Variants in FCHSD2 observed in about 807,000 individuals in gnomAD.
FCHSD2 encodes the protein F-BAR and double SH3 domains protein 2.
Under a neutral mutation model 108.1 loss-of-function variants are expected in FCHSD2, and 38 were observed. The observed-to-expected ratio is 0.35, with a 90% CI of 0.27 to 0.46. FCHSD2 has a LOEUF of 0.46. Ranked by LOEUF, FCHSD2 falls within the 20% of genes least tolerant of loss-of-function variation. The pLI is 1.00. For missense variants in FCHSD2, 751 were observed against 897.8 expected, an observed-to-expected ratio of 0.84 and a Z score of 2.09; for synonymous variants, 279 against 314.7, an observed-to-expected ratio of 0.89 and a Z score of 1.20.
chr11:72,855,604 C>T (rs977034423), intron 13 of FCHSD2, among the ~76,000 whole-genome samples: 4 of 152,108 alleles, frequency 2.6e-5, no homozygotes, highest in African/African-American at 9.7e-5. Context: ...CACGAACAAA[C>T]GTGAAAAGCA....
chr11:73,028,010 G>A (rs1858268733), intron 3 of FCHSD2, among the ~76,000 whole-genome samples: 1 of 152,270 alleles, frequency 6.6e-6, no homozygotes, highest in Non-Finnish European at 1.5e-5. Context: ...CCAGGCAGAA[G>A]TCTGCTGCAG....
At chr11:72,934,569 G>A (rs1856262926) in intron 8 of FCHSD2, among the ~76,000 whole-genome samples, 1 of 152,074 alleles carries the variant, frequency 6.6e-6, no homozygotes, top group Admixed American at 6.6e-5. Flanking sequence ...CCTGACCTCA[G>A]GTAATCCACT....
chr11:73,120,282 T>G (rs193297324), intron 2 of FCHSD2, among the ~76,000 whole-genome samples: 7 of 152,386 alleles, frequency 4.6e-5, no homozygotes, highest in African/African-American at 1.7e-4. Context: ...TTACATATTA[T>G]AATGTAGCAT....
At chr11:73,109,440 T>A (rs544523212) in intron 2 of FCHSD2, among the ~76,000 whole-genome samples, 27 of 150,886 alleles carry the variant, frequency 1.8e-4, no homozygotes, top group African/African-American at 5.6e-4. Context: ...ATCTTTCACT[T>A]CATCAGTTAA....
intron 14 of FCHSD2, among the ~76,000 whole-genome samples, chr11:72,846,818 T>A (rs1370101684): frequency 6.6e-6 from 1 of 152,158 alleles, no homozygotes; most frequent in Non-Finnish European, 1.5e-5. Flanking sequence ...ATTGAGCTCT[T>A]ACGGTACATA....
intron 5 of FCHSD2, among the ~76,000 whole-genome samples, chr11:72,991,137 A>C (rs1190358437): frequency 5.4e-4 from 83 of 152,344 alleles, no homozygotes; most frequent in Non-Finnish European, 4.4e-5. Context: ...TCCTCGACAC[A>C]TACACCCTCC....
chr11:73,113,500 C>T (rs1349207124), intron 2 of FCHSD2, among the ~76,000 whole-genome samples: 1 of 151,476 alleles, frequency 6.6e-6, no homozygotes, highest in Non-Finnish European at 1.5e-5. Flanking sequence ...TCCTGAGTAG[C>T]TGGGACTACA....
intron 8 of FCHSD2, among the ~76,000 whole-genome samples, chr11:72,946,265 A>G (rs1016691517): frequency 1.3e-5 from 2 of 152,088 alleles, no homozygotes; most frequent in African/African-American, 2.4e-5. Context: ...ATGAAGCTGG[A>G]AACCATCATT....
At chr11:72,929,244 G>A (rs1856141552) in intron 8 of FCHSD2, among the ~76,000 whole-genome samples, 1 of 152,160 alleles carries the variant, frequency 6.6e-6, no homozygotes, top group Non-Finnish European at 1.5e-5. Context: ...ACCCAGTAAT[G>A]GGATGGCTAG....
chr11:72,862,485 C>A (rs1415010212), intron 13 of FCHSD2, among the ~76,000 whole-genome samples: 1 of 152,226 alleles, frequency 6.6e-6, no homozygotes, highest in East Asian at 1.9e-4. Context: ...AAATCATTTA[C>A]AATAGCACCA....
rs1177635533 is a variant in FCHSD2 at position 72,842,606 on chromosome 11, TC to T, written c.1926+14del. On this transcript the variant is annotated intron_variant, in intron 17 of 19. Coordinates refer to ENST00000409418, the MANE Select transcript of FCHSD2 (RefSeq NM_014824.3). ...TTAAACATCTTTTAATTCAACTGTCTCCCCTCTCAGGTACCTGAATCTCTCT... is the reference window on the plus strand; with the variant it reads ...TTAAACATCTTTTAATTCAACTGTCTCCCTCTCAGGTACCTGAATCTCTCT... The T allele has an allele frequency of 6.2e-7, 1 of 1,613,834 alleles. No homozygotes were observed.
chr11:72,906,392 GAT>G (rs1350115827), intron 9 of FCHSD2, among the ~76,000 whole-genome samples: 2 of 152,178 alleles, frequency 1.3e-5, no homozygotes, highest in African/African-American at 2.4e-5. Flanking sequence ...TCACTCTGAT[GAT>G]AGTTTCTTTT....
chr11:72,842,912 C>G, intron 16 of FCHSD2, 71 bp from the exon 17 acceptor site: 1 of 1,176,352 alleles, frequency 8.5e-7, no homozygotes, highest in South Asian at 1.3e-5. Flanking sequence ...CACCCCTATG[C>G]TCACATGACA....
intron 3 of FCHSD2, among the ~76,000 whole-genome samples, chr11:73,043,359 C>A (rs1858687108): frequency 1.3e-5 from 2 of 152,170 alleles, no homozygotes; most frequent in African/African-American, 4.8e-5. Context: ...AAGTATTTAT[C>A]ATCCTATCCA....
At chr11:73,094,473 C>A (rs368803817) in intron 2 of FCHSD2, among the ~76,000 whole-genome samples, 4 of 152,084 alleles carry the variant, frequency 2.6e-5, no homozygotes, top group African/African-American at 9.7e-5. Flanking sequence ...AATATTTATA[C>A]CATCTTTAGT....
chr11:72,899,206 T>A (rs1855479404), intron 10 of FCHSD2, among the ~76,000 whole-genome samples: 1 of 152,266 alleles, frequency 6.6e-6, no homozygotes, highest in Non-Finnish European at 1.5e-5. Context: ...ATTATTTTTA[T>A]TCTTTTCAAT....
At chr11:73,024,242 G>A (rs1858176531) in intron 3 of FCHSD2, among the ~76,000 whole-genome samples, 1 of 152,128 alleles carries the variant, frequency 6.6e-6, no homozygotes, top group Non-Finnish European at 1.5e-5. Context: ...TACAAAATGT[G>A]AGACATAACC....
chr11:72,864,363 C>A (rs1345799089), intron 13 of FCHSD2, among the ~76,000 whole-genome samples: 1 of 152,092 alleles, frequency 6.6e-6, no homozygotes, highest in African/African-American at 2.4e-5. Context: ...GAGTTTGAGA[C>A]TAGCCTGGGC....
chr11:72,909,945 C>T (rs1855723277), intron 9 of FCHSD2, among the ~76,000 whole-genome samples: 2 of 147,174 alleles, frequency 1.4e-5, no homozygotes, highest in South Asian at 2.2e-4. Flanking sequence ...TGAGGAGTAC[C>T]TCTGCCCAGC....
Sources: allele counts gnomAD v4.1 joint callset (sites outside exome capture counted in the v4.1 genomes callset), GRCh38; gene constraint gnomAD v4.1.1; transcripts MANE v1.5; gene names NCBI Gene and HGNC (gene_info 2026-07-23, HGNC 2026-07-21).